The following FRMD4B variants were observed in gnomAD, a reference collection of about 807,000 sequenced individuals.
FRMD4B encodes the protein FERM domain containing 4B.
Under a neutral mutation model 141.5 loss-of-function variants are expected in FRMD4B, and 74 were observed. That is an observed-to-expected ratio of 0.52 (90% CI 0.43 to 0.63). The LOEUF (loss-of-function observed/expected upper bound fraction) is 0.63. FRMD4B is among the 30% of genes least tolerant of loss of function. The probability of loss-of-function intolerance (pLI) is 0.00; values close to 1 mark genes in which losing one functional copy is unlikely to be tolerated. For synonymous variants in FRMD4B, 506 were observed against 467.9 expected (o/e 1.08, Z -1.05); for missense variants, 1,366 against 1,253.4 (o/e 1.09, Z -1.36).
chr3:69,514,185 T>C (rs1336912148), intron 1 of FRMD4B, among the ~76,000 whole-genome samples: 1 of 152,184 alleles, frequency 6.6e-6, no homozygotes, highest in Non-Finnish European at 1.5e-5. Flanking sequence ...CTGTTAGAAT[T>C]AATGAACAAC....
At chr3:69,334,572 A>G (rs1382720637) in intron 1 of FRMD4B, 1 of 152,056 alleles carries the variant, frequency 6.6e-6, no homozygotes, top group African/African-American at 2.4e-5. Context: ...TGCCTTTTGG[A>G]TAACTCAGAG....
chr3:69,271,652 A>C (rs2093594846), intron 5 of FRMD4B, among the ~76,000 whole-genome samples: 1 of 152,238 alleles, frequency 6.6e-6, no homozygotes, highest in Non-Finnish European at 1.5e-5. Flanking sequence ...TGAAATATTC[A>C]TTATAAAACT....
At chr3:69,336,627 T>G (rs1035320081) in intron 1 of FRMD4B, 1 of 152,350 alleles carries the variant, frequency 6.6e-6, no homozygotes, top group African/African-American at 2.4e-5. Flanking sequence ...TTCATAAGGT[T>G]GTTGTGAGGA....
At chr3:69,301,166 C>A (rs545831289) in intron 4 of FRMD4B, among the ~76,000 whole-genome samples, 1 of 152,210 alleles carries the variant, frequency 6.6e-6, no homozygotes, top group South Asian at 2.1e-4. Flanking sequence ...AACAACTTAC[C>A]CTATTTTTCT....
At chr3:69,177,630 A>G (rs949539162) in intron 21 of FRMD4B, among the ~76,000 whole-genome samples, 2 of 152,248 alleles carry the variant, frequency 1.3e-5, no homozygotes, top group African/African-American at 2.4e-5. Flanking sequence ...AGCCTGGGCC[A>G]CCAAGTGAGA....
At chr3:69,528,722 G>A (rs1288086730) in intron 1 of FRMD4B, among the ~76,000 whole-genome samples, 2 of 151,660 alleles carry the variant, frequency 1.3e-5, no homozygotes, top group African/African-American at 4.8e-5. Flanking sequence ...GGATTCAAGT[G>A]TAAGGTATTT....
At chr3:69,511,637 C>G (rs1433497418) in intron 1 of FRMD4B, among the ~76,000 whole-genome samples, 2 of 152,206 alleles carry the variant, frequency 1.3e-5, no homozygotes, top group Non-Finnish European at 2.9e-5. Flanking sequence ...AGACGCAGAA[C>G]TTGTCTAACG....
intron 7 of FRMD4B, among the ~76,000 whole-genome samples, chr3:69,231,737 G>C (rs1341385294): frequency 6.6e-6 from 1 of 152,224 alleles, no homozygotes; most frequent in African/African-American, 2.4e-5. Context: ...GCCCTGTTAT[G>C]GGGAGGTGCT....
At chr3:69,243,699 G>A (rs932150998) in intron 7 of FRMD4B, among the ~76,000 whole-genome samples, 2 of 152,274 alleles carry the variant, frequency 1.3e-5, no homozygotes, top group Non-Finnish European at 2.9e-5. Flanking sequence ...TTTGTTCAAT[G>A]GAGATAATAG....
At chr3:69,477,379 T>C (rs1382395237) in intron 1 of FRMD4B, among the ~76,000 whole-genome samples, 1 of 147,458 alleles carries the variant, frequency 6.8e-6, no homozygotes, top group East Asian at 2.0e-4. Flanking sequence ...ATACGTCCCA[T>C]CAATACCTAA....
intron 1 of FRMD4B, among the ~76,000 whole-genome samples, chr3:69,434,040 G>A (rs201215711): frequency 9.9e-5 from 15 of 152,156 alleles, no homozygotes; most frequent in African/African-American, 3.4e-4. Context: ...GCCTTATCAC[G>A]TCATCTCTCC....
intron 2 of FRMD4B, among the ~76,000 whole-genome samples, chr3:69,394,764 C>A (rs558538622): frequency 1.9e-3 from 284 of 152,286 alleles, no homozygotes; most frequent in Non-Finnish European, 2.9e-3. Context: ...TTGGGATCAA[C>A]CCAAATGCCC....
intron 1 of FRMD4B, among the ~76,000 whole-genome samples, chr3:69,376,270 G>A (rs1405187467): frequency 6.6e-6 from 1 of 152,040 alleles, no homozygotes; most frequent in Non-Finnish European, 1.5e-5. Context: ...AAACAAACAT[G>A]GCAGATTATT....
chr3:69,313,306 G>T, intron 2 of FRMD4B, 146 bp downstream of exon 2: 1 of 709,396 alleles, frequency 1.4e-6, no homozygotes, highest in South Asian at 1.5e-5. Flanking sequence ...TCAATTCTGA[G>T]TCATTGGCTT....
At chr3:69,336,300 G>T (rs1298428985) in intron 1 of FRMD4B, among the ~76,000 whole-genome samples, 1 of 152,304 alleles carries the variant, frequency 6.6e-6, no homozygotes, top group Middle Eastern at 3.4e-3. Flanking sequence ...ATAGAGAGTG[G>T]CACCCGGCAA....
At chr3:69,361,669 G>A (rs1703474644) in intron 1 of FRMD4B, among the ~76,000 whole-genome samples, 1 of 152,176 alleles carries the variant, frequency 6.6e-6, no homozygotes, top group Admixed American at 6.5e-5. Flanking sequence ...GGTGTTGCAT[G>A]TATTAGCAAT....
At chr3:69,407,463 G>A (rs1233160663) in intron 2 of FRMD4B, among the ~76,000 whole-genome samples, 1 of 152,164 alleles carries the variant, frequency 6.6e-6, no homozygotes, top group African/African-American at 2.4e-5. Context: ...CTAACCTCAA[G>A]ACAACTACTT....
rs2092890482 is a variant in FRMD4B, at chr3:69,195,312, T to G, written c.1287A>C (p.Glu429Asp). ...SEEQKREKIL[E>D]LKKKEKLLQE... Reference sequence around the variant, plus strand: ...GTAATAGTTTCTCCTTCTTCTTTAGTTCAAGGATTTTTTCTCTCTTTTGCT... The same window carrying G: ...GTAATAGTTTCTCCTTCTTCTTTAGGTCAAGGATTTTTTCTCTCTTTTGCT... Residue 429 changes from glutamate to aspartate, a missense_variant, in exon 15 of 23, where the codon GAA (glutamate) becomes GAC (aspartate). Transcript: ENST00000398540. 1 of 1,613,254 alleles carries G rather than the reference T, an allele frequency of 6.2e-7. No individual in the cohort carries two copies. The highest frequency in any genetic ancestry group is 2.2e-5 in the East Asian group (1 of 44,884).
intron 2 of FRMD4B, among the ~76,000 whole-genome samples, chr3:69,420,781 G>C (rs1704962501): frequency 1.3e-5 from 2 of 152,164 alleles, no homozygotes; most frequent in South Asian, 2.1e-4. Context: ...AGATTTAATT[G>C]GCTAGGATAT....
Sources: allele counts gnomAD v4.1 joint callset (sites outside exome capture counted in the v4.1 genomes callset), GRCh38; gene constraint gnomAD v4.1.1; transcripts MANE v1.5; gene names NCBI Gene and HGNC (gene_info 2026-07-23, HGNC 2026-07-21).